Variants in CHM observed in about 807,000 individuals in gnomAD.
The protein encoded by CHM is CHM Rab escort protein.
In CHM, 10 loss-of-function variants were observed where a neutral mutation model predicts 49.0. That is an observed-to-expected ratio of 0.20 (90% CI 0.13 to 0.35). CHM has a LOEUF of 0.35. Among genes scored for constraint, CHM ranks in the 10% least tolerant of loss-of-function variants. The pLI, the probability that CHM is intolerant of heterozygous loss-of-function variation, is 1.00. For synonymous variants in CHM, 184 were observed against 167.5 expected, an observed-to-expected ratio of 1.10 and a Z score of -0.76; for missense variants, 455 against 478.4, an observed-to-expected ratio of 0.95 and a Z score of 0.46.
chrX:85,946,394 G>C (rs1698037825), intron 8 of CHM, among the ~76,000 whole-genome samples: 1 of 109,618 alleles, frequency 9.1e-6, no homozygotes, highest in African/African-American at 3.3e-5. Context: ...ATGGTTTCGG[G>C]AGCCAGGCCC....
intron 4 of CHM, among the ~76,000 whole-genome samples, chrX:85,973,003 T>C (rs1477486843): frequency 1.8e-5 from 2 of 111,127 alleles, no homozygotes; most frequent in Non-Finnish European, 3.8e-5. Context: ...GTGGCATATA[T>C]GAAAATCAAA....
At chrX:85,960,132 T>C (rs1930218747) in intron 5 of CHM, among the ~76,000 whole-genome samples, 1 of 111,617 alleles carries the variant, frequency 9.0e-6, no homozygotes, top group Non-Finnish European at 1.9e-5. Context: ...TTCTTAACTC[T>C]ATAATAATGA....
At chrX:85,976,740 C>A (rs1931283257) in intron 4 of CHM, among the ~76,000 whole-genome samples, 1 of 110,904 alleles carries the variant, frequency 9.0e-6, no homozygotes. Context: ...TAGAGACATC[C>A]CTTGCTCAGT....
At chrX:85,970,921 T>C (rs1930860849) in intron 4 of CHM, 1 of 727,951 alleles carries the variant, frequency 1.4e-6, no homozygotes, top group Non-Finnish European at 1.6e-6. Flanking sequence ...GAATAATTAC[T>C]ACAATTTACA....
In CHM at chrX:85,864,485, G is replaced by C; in HGVS notation, c.*145C>G. On this transcript the variant is annotated 3_prime_UTR_variant, in exon 15 of 15. Transcript: ENST00000357749. The stretch of plus-strand genomic sequence containing the variant: ...GTGTTCTTGGAATGTCCTCTATAAG[G>C]AAAATCCCCTTTTGGATTTCTATTA... The C allele has an allele frequency of 1.9e-6, 1 of 531,923 alleles. No homozygotes were observed. The highest frequency in any genetic ancestry group is 3.3e-6 in the Non-Finnish European group (1 of 305,652). 43.8% of individuals were successfully genotyped at this position (531,923 alleles called of 1,213,427 possible).
At chrX:85,867,629 A>G (rs1569390765) in intron 14 of CHM, among the ~76,000 whole-genome samples, 1 of 112,265 alleles carries the variant, frequency 8.9e-6, no homozygotes, top group Non-Finnish European at 1.9e-5. Context: ...ATGGGTTTTG[A>G]AAAGATAGCC....
In CHM at chrX:86,026,393, A is replaced by C. The variant is rs137855073; in HGVS notation, c.116+1098T>G. On this transcript the variant is annotated intron_variant, in intron 2 of 14. Coordinates refer to ENST00000357749, the MANE Select transcript of CHM (RefSeq NM_000390.4). ...GTGATCCGCCCACCTCAGCCTCCCA[A>C]AGTGCTGGGTTACAGGCATGAGCCA... is the stretch of plus-strand genomic sequence containing the variant. Among the ~76,000 whole-genome samples, 630 of 109,201 alleles carry C rather than the reference A, an allele frequency of 5.8e-3. 5 individuals are homozygous for C. The highest frequency in any genetic ancestry group is 0.02 in the African/African-American group (594 of 30,066). 94.8% of individuals were successfully genotyped at this position (109,201 alleles called of 115,157 possible).
At chrX:86,042,590 G>C (rs1371527104) in intron 1 of CHM, among the ~76,000 whole-genome samples, 1 of 110,060 alleles carries the variant, frequency 9.1e-6, no homozygotes, top group Admixed American at 9.7e-5. Flanking sequence ...CACCAAGGCA[G>C]GTAGATTGCT....
chrX:85,898,086 A>G (rs886214912), intron 11 of CHM, among the ~76,000 whole-genome samples: 3 of 110,850 alleles, frequency 2.7e-5, no homozygotes, highest in African/African-American at 9.9e-5. Flanking sequence ...GATTAATGCC[A>G]CTATAGATTC....
intron 1 of CHM, among the ~76,000 whole-genome samples, chrX:86,030,556 C>A (rs190831583): frequency 1.8e-5 from 2 of 111,384 alleles, no homozygotes; most frequent in Non-Finnish European, 3.8e-5. Context: ...GGTTGCCATA[C>A]GTTTTTTGCA....
At chrX:85,871,304 C>CAAAAAAAAAAAAAA (rs150005971) in intron 14 of CHM, among the ~76,000 whole-genome samples, 1 of 62,067 alleles carries the variant, frequency 1.6e-5, no homozygotes, top group African/African-American at 7.0e-5. Flanking sequence ...AAGACTGTCT[C>CAAAAAAAAAAAAAA]AAAAAAAAAA....
intron 2 of CHM, among the ~76,000 whole-genome samples, chrX:86,005,667 A>T (rs1437147456): frequency 3.6e-5 from 4 of 112,194 alleles, no homozygotes; most frequent in African/African-American, 1.3e-4. Flanking sequence ...ATCTAGAAGA[A>T]ATGGATAAAT....
chrX:86,018,290 G>A (rs1238974932), intron 2 of CHM, among the ~76,000 whole-genome samples: 2 of 111,809 alleles, frequency 1.8e-5, no homozygotes, highest in African/African-American at 3.3e-5. Flanking sequence ...AAATGTTCAA[G>A]ATCATTAGCC....
chrX:85,957,706 C>T, intron 7 of CHM, 149 bp downstream of exon 7: 3 of 567,272 alleles, frequency 5.3e-6, no homozygotes, highest in Non-Finnish European at 7.8e-6. Context: ...ATTTAAATAG[C>T]TAAATGTTAC....
intron 13 of CHM, among the ~76,000 whole-genome samples, chrX:85,873,985 T>C (rs1342701895): frequency 9.0e-6 from 1 of 111,493 alleles, no homozygotes; most frequent in Non-Finnish European, 1.9e-5. Flanking sequence ...GTGTCTTTTA[T>C]GCGTGTTAGG....
chrX:85,885,102 C>T (rs776552947), intron 12 of CHM, among the ~76,000 whole-genome samples: 143 of 110,082 alleles, frequency 1.3e-3, no homozygotes, highest in Admixed American at 2.6e-3. Flanking sequence ...TAAGAATGGA[C>T]GAATTTGAGT....
chrX:85,900,042 T>C (rs1166570213), intron 11 of CHM, among the ~76,000 whole-genome samples: 2 of 111,458 alleles, frequency 1.8e-5, no homozygotes, highest in African/African-American at 6.5e-5. Context: ...AATTATCCTA[T>C]GATCCACCAC....
At chrX:85,900,367 A>G (rs1241252262) in intron 11 of CHM, among the ~76,000 whole-genome samples, 1 of 111,495 alleles carries the variant, frequency 9.0e-6, no homozygotes, top group Non-Finnish European at 1.9e-5. Context: ...GCTAGGCAAA[A>G]TGGGGAGACG....
At chrX:85,899,322 G>A (rs537794364) in intron 11 of CHM, among the ~76,000 whole-genome samples, 2 of 111,525 alleles carry the variant, frequency 1.8e-5, no homozygotes, top group African/African-American at 6.5e-5. Flanking sequence ...CCGGGGACAT[G>A]TGTGGAAATA....
Sources: allele counts gnomAD v4.1 joint callset (sites outside exome capture counted in the v4.1 genomes callset), GRCh38; gene constraint gnomAD v4.1.1; transcripts MANE v1.5; gene names NCBI Gene and HGNC (gene_info 2026-07-23, HGNC 2026-07-21).